Variants in DCUN1D5 observed in about 807,000 individuals in gnomAD.
The protein encoded by DCUN1D5 is defective in cullin neddylation 1 domain containing 5, also known as DCN1-like protein 5.
Under a neutral mutation model 38.3 loss-of-function variants are expected in DCUN1D5, and 10 were observed. The observed-to-expected ratio is 0.26, with a 90% CI of 0.16 to 0.44. DCUN1D5 has a LOEUF of 0.44. DCUN1D5 is among the 20% of genes least tolerant of loss of function. The probability of loss-of-function intolerance (pLI) is 1.00; values close to 1 mark genes in which losing one functional copy is unlikely to be tolerated. For synonymous variants in DCUN1D5, 93 were observed against 90.9 expected (o/e 1.02, Z -0.13); for missense variants, 148 against 275.3 (o/e 0.54, Z 3.27).
In DCUN1D5 at chr11:103,054,160, C is replaced by T. The variant is rs773808175; in HGVS notation, c.*8199G>A. 5 of 152,110 alleles carry T rather than the reference C, an allele frequency of 3.3e-5. No homozygotes were observed. The highest frequency in any genetic ancestry group is 5.9e-5 in the Non-Finnish European group (4 of 67,984). 9.4% of individuals were successfully genotyped at this position (152,110 alleles called of 1,614,324 possible). A position where few individuals can be genotyped will look rare whatever the true frequency, so the allele number is the denominator to read the frequency against. ...AACCTCCCAATTTCCACATCTATGT[C>T]TCCTGTTTACTCCAATGACTAAAAA... On this transcript the variant is annotated 3_prime_UTR_variant, in exon 8 of 8. Coordinates refer to ENST00000260247, the MANE Select transcript of DCUN1D5 (RefSeq NM_032299.4).
chr11:103,086,551 C>T lies in DCUN1D5; in HGVS notation c.178+2676G>A, dbSNP rs1264561914. Among the ~76,000 whole-genome samples, 1 of 152,138 alleles carries T rather than the reference C, an allele frequency of 6.6e-6. No individual in the cohort carries two copies. Among genetic ancestry groups the T allele is most frequent in the Admixed American group, 6.5e-5 (1 of 15,276 alleles). On this transcript the variant is annotated intron_variant, in intron 2 of 7. Coordinates refer to ENST00000260247, the MANE Select transcript of DCUN1D5 (RefSeq NM_032299.4). The surrounding 1 kb of genome is among the most constrained non-coding windows in gnomAD (Gnocchi z 4.1). ...CTGAAAGTCCATCTAACCCTTCTTTCTTCTCTATTCCTGAACCTCACCATA... is the reference window on the plus strand; with the variant it reads ...CTGAAAGTCCATCTAACCCTTCTTTTTTCTCTATTCCTGAACCTCACCATA...
At chr11:103,075,126 G>A (rs1218807129) in intron 4 of DCUN1D5, among the ~76,000 whole-genome samples, 2 of 152,044 alleles carry the variant, frequency 1.3e-5, no homozygotes, top group East Asian at 1.9e-4. Flanking sequence ...CCAGGCCCAG[G>A]TTATCAAATT....
At chr11:103,074,355 C>G (rs1309552075) in intron 4 of DCUN1D5, among the ~76,000 whole-genome samples, 2 of 152,206 alleles carry the variant, frequency 1.3e-5, no homozygotes, top group Non-Finnish European at 2.9e-5. Flanking sequence ...TCGTAGATCA[C>G]TGATCCTTAC....
Position 103,083,474 on chromosome 11 carries a change from T to G in DCUN1D5, c.179-148A>C, listed in dbSNP as rs1862619998. On this transcript the variant is annotated intron_variant, in intron 2 of 7. Transcript: ENST00000260247. This position sits in a 1 kb window ranked among gnomAD's most constrained non-coding sequence, Gnocchi z 4.4. ...CATAGCTTTGATAAGTATAAATATT[T>G]GCTACAGGATTTAAAATTTAAAATT... 1 of 511,482 alleles carries G rather than the reference T, an allele frequency of 2.0e-6. No homozygotes were observed. Among genetic ancestry groups the G allele is most frequent in the Non-Finnish European group, 3.5e-6 (1 of 282,220 alleles). 31.7% of individuals were successfully genotyped at this position (511,482 alleles called of 1,614,324 possible).
chr11:103,090,563 G>A (rs1295362476), intron 1 of DCUN1D5, among the ~76,000 whole-genome samples: 2 of 152,152 alleles, frequency 1.3e-5, no homozygotes, highest in Admixed American at 6.5e-5. Context: ...ATCTGAAGTT[G>A]TCATATCAAG....
rs117152723 is a variant in DCUN1D5, at chr11:103,080,230, A to G, written c.341+2518T>C. On this transcript the variant is annotated intron_variant, in intron 4 of 7. Coordinates refer to ENST00000260247, the MANE Select transcript of DCUN1D5 (RefSeq NM_032299.4). ...CATGACTATATTAAGATGATTTAAG[A>G]GATCATTAGATGCCCAGGTGAAATC... is the stretch of plus-strand genomic sequence containing the variant. Among the ~76,000 whole-genome samples, 479 of 152,324 alleles carry G rather than the reference A, an allele frequency of 3.1e-3. 2 individuals carry two copies. The highest frequency in any genetic ancestry group is 4.6e-3 in the Non-Finnish European group (315 of 68,018).
At position 103,077,014 on chromosome 11, in the gene DCUN1D5, T is replaced by C. The variant is rs955295727; in HGVS notation, c.341+5734A>G. On this transcript the variant is annotated intron_variant, in intron 4 of 7. Transcript: ENST00000260247. The surrounding 1 kb of genome is among the most constrained non-coding windows in gnomAD (Gnocchi z 4.3). ...GAGATCAAGACCATCCCGGCTAACA[T>C]GGTGAAACCCCGTCTCTACTAAAAA... Among the ~76,000 whole-genome samples, 13 of 152,120 alleles carry C rather than the reference T, an allele frequency of 8.5e-5. No homozygotes were observed. The highest frequency in any genetic ancestry group is 2.1e-4 in the South Asian group (1 of 4,826).
At chr11:103,069,044 T>C (rs970469718) in intron 4 of DCUN1D5, among the ~76,000 whole-genome samples, 2 of 152,090 alleles carry the variant, frequency 1.3e-5, no homozygotes, top group Admixed American at 6.6e-5. Context: ...GATTCTAAAG[T>C]GGTGCAGATA....
Position 103,058,115 on chromosome 11 carries a change from TTACTATA to T in DCUN1D5, c.*4237_*4243del, listed in dbSNP as rs1861920490. Among the ~76,000 whole-genome samples, 1 of 152,194 alleles carries T rather than the reference TTACTATA, an allele frequency of 6.6e-6. No individual in the cohort carries two copies. The highest frequency in any genetic ancestry group is 2.4e-5 in the African/African-American group (1 of 41,456). ...TCAATACTTAGGTTAAAATCTAACC[TTACTATA>T]TAGTGTTACTAGATGTATTTTAAGG... On this transcript the variant is annotated 3_prime_UTR_variant, in exon 8 of 8. Transcript: ENST00000260247.
rs569498010 is a variant in DCUN1D5, at chr11:103,051,213, A to G, written c.*11146T>C. The G allele has an allele frequency of 1.8e-3, 269 of 152,304 alleles. No homozygotes were observed. The highest frequency in any genetic ancestry group is 6.1e-3 in the African/African-American group (252 of 41,576). The allele number at this position is 152,304 out of a possible 1,614,324, so 9.4% of individuals were successfully genotyped here. A position where few individuals can be genotyped will look rare whatever the true frequency, so the allele number is the denominator to read the frequency against. On this transcript the variant is annotated 3_prime_UTR_variant, in exon 8 of 8. Coordinates refer to ENST00000260247, the MANE Select transcript of DCUN1D5 (RefSeq NM_032299.4). ...ATTGGACTAGTCAACATACCATCTT[A>G]TGACCAAATTTAAAACAAATTACTG...
At chr11:103,081,167 A>G (rs1862555280) in intron 4 of DCUN1D5, among the ~76,000 whole-genome samples, 1 of 152,204 alleles carries the variant, frequency 6.6e-6, no homozygotes, top group Admixed American at 6.5e-5. Context: ...CAAAAACATA[A>G]ATAAGAAACT....
rs1180608004 is a variant in DCUN1D5, at chr11:103,051,626, G to C, written c.*10733C>G. 6.6e-6 allele frequency: 1 copy of C among 151,412 alleles called. No individual in the cohort carries two copies. Among genetic ancestry groups the C allele is most frequent in the Non-Finnish European group, 1.5e-5 (1 of 67,958 alleles). The allele number at this position is 151,412 out of a possible 1,614,324, so 9.4% of individuals were successfully genotyped here. On this transcript the variant is annotated 3_prime_UTR_variant, in exon 8 of 8. Transcript: ENST00000260247. ...TTCTTTGTCATTAAACAAATATTTG[G>C]AACCCACTACATTCAAAGCATAGCA...
In DCUN1D5 at chr11:103,091,640, C is replaced by T. The variant is rs751062425; in HGVS notation, c.86+147G>A. On this transcript the variant is annotated intron_variant, in intron 1 of 7. Transcript: ENST00000260247. The surrounding 1 kb of genome is among the most constrained non-coding windows in gnomAD (Gnocchi z 4.3). ...AGGTCGGGTCGGGCGCGGAGACTCG[C>T]GGTGTTCGGCACCTACAGCCTAGCT... 2 of 1,466,830 alleles carry T rather than the reference C, an allele frequency of 1.4e-6. No individual in the cohort carries two copies. Among genetic ancestry groups the T allele is most frequent in the Non-Finnish European group, 1.9e-6 (2 of 1,074,294 alleles). The allele number at this position is 1,466,830 out of a possible 1,614,324, so 90.9% of individuals were successfully genotyped here.
rs1862446253 is a variant in DCUN1D5 at position 103,077,716 on chromosome 11, T to A, written c.341+5032A>T. Among the ~76,000 whole-genome samples the A allele has an allele frequency of 6.6e-6, 1 of 152,208 alleles. No homozygotes were observed. ...TAAGTGAGGCTCTCTTCCTAATCCA[T>A]AAGTCCCAGTGACTGTGCTGTGACA... On this transcript the variant is annotated intron_variant, in intron 4 of 7. Coordinates refer to ENST00000260247, the MANE Select transcript of DCUN1D5 (RefSeq NM_032299.4). The surrounding 1 kb of genome is among the most constrained non-coding windows in gnomAD (Gnocchi z 4.3).
rs1034370719 is a variant in DCUN1D5 at position 103,087,511 on chromosome 11, G to A, written c.178+1716C>T. Among the ~76,000 whole-genome samples, 3 of 152,142 alleles carry A rather than the reference G, an allele frequency of 2.0e-5. No individual in the cohort carries two copies. Among genetic ancestry groups the A allele is most frequent in the Non-Finnish European group, 4.4e-5 (3 of 68,034 alleles). On this transcript the variant is annotated intron_variant, in intron 2 of 7. Coordinates refer to ENST00000260247, the MANE Select transcript of DCUN1D5 (RefSeq NM_032299.4). This position sits in a 1 kb window ranked among gnomAD's most constrained non-coding sequence, Gnocchi z 4.1. ...AAAAAATTTAAAAAATTAGCCAGGCGTGGTGGCACATGCCTATATTCCCAC... is the reference window on the plus strand; with the variant it reads ...AAAAAATTTAAAAAATTAGCCAGGCATGGTGGCACATGCCTATATTCCCAC...
At chr11:103,068,294 G>A (rs1354435629) in intron 4 of DCUN1D5, among the ~76,000 whole-genome samples, 1 of 151,932 alleles carries the variant, frequency 6.6e-6, no homozygotes, top group African/African-American at 2.4e-5. Context: ...ATTGTTTGTA[G>A]AACTATCATT....
rs1162477702 is a variant in DCUN1D5, at chr11:103,077,364, T to C, written c.341+5384A>G. 6.6e-6 allele frequency among the ~76,000 whole-genome samples: 1 copy of C among 151,996 alleles called. No homozygotes were observed. Among genetic ancestry groups the C allele is most frequent in the Non-Finnish European group, 1.5e-5 (1 of 67,990 alleles). ...AATACTAACATCAATACCTCAGAAA[T>C]TGGGAAGTTTAGAAAAAAGAATATT... is the stretch of plus-strand genomic sequence containing the variant. On this transcript the variant is annotated intron_variant, in intron 4 of 7. Transcript: ENST00000260247. This position sits in a 1 kb window ranked among gnomAD's most constrained non-coding sequence, Gnocchi z 4.3.
chr11:103,056,788 T>C lies in DCUN1D5; in HGVS notation c.*5571A>G, dbSNP rs1465640583. 6.6e-6 allele frequency among the ~76,000 whole-genome samples: 1 copy of C among 152,198 alleles called. No homozygotes were observed. The highest frequency in any genetic ancestry group is 1.5e-5 in the Non-Finnish European group (1 of 68,024). On this transcript the variant is annotated 3_prime_UTR_variant, in exon 8 of 8. Transcript: ENST00000260247. The surrounding 1 kb of genome is among the most constrained non-coding windows in gnomAD (Gnocchi z 4.9). ...GCAGGATAACACAGGAAATCCTAGC[T>C]ATTTCTTTTTATAAAAGACAGTAAA...
rs71066136 is a variant in DCUN1D5 at position 103,051,501 on chromosome 11, T to TCCCCCCCCCCC, written c.*10847_*10857dup. 46 of 111,462 alleles carry TCCCCCCCCCCC rather than the reference T, an allele frequency of 4.1e-4. 1 individual carries two copies. Among genetic ancestry groups the TCCCCCCCCCCC allele is most frequent in the Non-Finnish European group, 5.3e-4 (30 of 56,728 alleles). 6.9% of individuals were successfully genotyped at this position (111,462 alleles called of 1,614,324 possible). On this transcript the variant is annotated 3_prime_UTR_variant, in exon 8 of 8. Coordinates refer to ENST00000260247, the MANE Select transcript of DCUN1D5 (RefSeq NM_032299.4). ...GATTTGGTGGCTTCACATATTTACT[T>TCCCCCCCCCCC]CCCCCCCCCCCCCGCCACCCCTGTG...
Sources: allele counts gnomAD v4.1 joint callset (sites outside exome capture counted in the v4.1 genomes callset), GRCh38; gene constraint gnomAD v4.1.1; non-coding constraint Gnocchi (gnomAD v3.1); transcripts MANE v1.5; gene names NCBI Gene and HGNC (gene_info 2026-07-23, HGNC 2026-07-21).